KLF12: variants seen among roughly 807,000 people sequenced by gnomAD.
KLF12 encodes the protein KLF transcription factor 12.
Under a neutral mutation model 37.8 loss-of-function variants are expected in KLF12, and 9 were observed. The observed-to-expected ratio is 0.24, with a 90% confidence interval of 0.14 to 0.42. The LOEUF is 0.42. KLF12 is among the 10% of genes least tolerant of loss of function. KLF12 has a pLI of 1.00. For missense variants in KLF12, 411 were observed against 516.0 expected (o/e 0.80, Z 1.97); for synonymous variants, 208 against 202.1 (o/e 1.03, Z -0.25).
At chr13:74,241,417 C>A in the KLF12 span, among the ~76,000 whole-genome samples, 1 of 152,204 alleles carries the variant, frequency 6.6e-6, no homozygotes, top group Non-Finnish European at 1.5e-5. Flanking sequence ...GCCCTGCCCC[C>A]AGAGGTGGAG....
chr13:74,254,141 G>T, the KLF12 span, among the ~76,000 whole-genome samples: 5 of 152,152 alleles, frequency 3.3e-5, no homozygotes, highest in African/African-American at 1.2e-4. Context: ...ATGCAGGATT[G>T]TGTGTTTTTA....
At chr13:73,825,131 A>G (rs1317263031) in intron 4 of KLF12, among the ~76,000 whole-genome samples, 1 of 151,776 alleles carries the variant, frequency 6.6e-6, no homozygotes, top group African/African-American at 2.4e-5. Context: ...AGAGATTTCC[A>G]TATTTTGTAA....
intron 1 of KLF12, among the ~76,000 whole-genome samples, chr13:74,049,950 T>C (rs981334165): frequency 5.4e-5 from 8 of 148,148 alleles, no homozygotes; most frequent in African/African-American, 2.0e-4. Flanking sequence ...TTGGATACCA[T>C]GAGATTTCTG....
intron 1 of KLF12, among the ~76,000 whole-genome samples, chr13:74,126,128 T>C (rs530871610): frequency 6.6e-6 from 1 of 152,322 alleles, no homozygotes; most frequent in South Asian, 2.1e-4. Flanking sequence ...ATATAACATA[T>C]ACTATACATG....
chr13:73,711,955 T>C (rs1335560356), intron 7 of KLF12, among the ~76,000 whole-genome samples: 1 of 152,118 alleles, frequency 6.6e-6, no homozygotes, highest in Non-Finnish European at 1.5e-5. Context: ...GTGGAAGTAG[T>C]TCATTCAATC....
At chr13:74,181,317 C>T in the KLF12 span, among the ~76,000 whole-genome samples, 2 of 135,042 alleles carry the variant, frequency 1.5e-5, no homozygotes, top group East Asian at 2.4e-4. Context: ...CTTAAAAATA[C>T]ATTTAGCATA....
chr13:73,733,712 G>A (rs1877240943), intron 6 of KLF12, among the ~76,000 whole-genome samples: 1 of 152,112 alleles, frequency 6.6e-6, no homozygotes, highest in Admixed American at 6.6e-5. Context: ...GCAATTGTAT[G>A]TTTAACTTTT....
intron 2 of KLF12, among the ~76,000 whole-genome samples, chr13:73,975,269 T>C (rs2138137815): frequency 6.6e-6 from 1 of 152,364 alleles, no homozygotes; most frequent in East Asian, 1.9e-4. Flanking sequence ...TAATTACAAA[T>C]AAAATCCAGT....
In KLF12 at chr13:73,711,466, T is replaced by C. The variant is rs562112153; in HGVS notation, c.1027+3902A>G. On this transcript the variant is annotated intron_variant, in intron 7 of 7. Coordinates refer to ENST00000377669, the MANE Select transcript of KLF12 (RefSeq NM_007249.5). ...AACCTTCAGCTGAAGCCAAGGCTCATATACTATTCTGAAAATCCTAGGGCC... is the reference window on the plus strand; with the variant it reads ...AACCTTCAGCTGAAGCCAAGGCTCACATACTATTCTGAAAATCCTAGGGCC... Among the ~76,000 whole-genome samples the C allele has an allele frequency of 8.5e-5, 13 of 152,346 alleles. No individual in the cohort carries two copies. The South Asian group carries it at 2.1e-3, about 24-fold the overall frequency.
chr13:73,830,903 AG>A (rs1274560356), intron 4 of KLF12, among the ~76,000 whole-genome samples: 1 of 151,914 alleles, frequency 6.6e-6, no homozygotes, highest in East Asian at 1.9e-4. Context: ...GTTGTTTTTC[AG>A]GCTGCAGGAT....
chr13:74,102,272 G>GA (rs1876397862), intron 1 of KLF12, among the ~76,000 whole-genome samples: 1 of 151,892 alleles, frequency 6.6e-6, no homozygotes, highest in Non-Finnish European at 1.5e-5. Flanking sequence ...TTTGATGAGG[G>GA]AAAGATGGAT....
the KLF12 span, among the ~76,000 whole-genome samples, chr13:74,301,080 C>T: frequency 6.6e-6 from 1 of 152,178 alleles, no homozygotes; most frequent in South Asian, 2.1e-4. Flanking sequence ...AAGCCATGTT[C>T]TAAAAATCAG....
intron 6 of KLF12, among the ~76,000 whole-genome samples, chr13:73,752,723 CAT>C (rs201172368): frequency 5.1e-5 from 2 of 38,848 alleles, no homozygotes; most frequent in Admixed American, 3.5e-4. Context: ...CTCCCTTCCA[CAT>C]ATATATTTTT....
intron 7 of KLF12, among the ~76,000 whole-genome samples, chr13:73,699,835 G>A (rs1316943229): frequency 6.6e-6 from 1 of 152,174 alleles, no homozygotes; most frequent in Non-Finnish European, 1.5e-5. Context: ...GCCCATAAAT[G>A]TAGAGTGGGG....
chr13:73,907,341 T>C (rs915582517), intron 3 of KLF12, among the ~76,000 whole-genome samples: 4 of 152,160 alleles, frequency 2.6e-5, no homozygotes, highest in Non-Finnish European at 5.9e-5. Flanking sequence ...GTTCCTCATG[T>C]TCAATACATA....
chr13:74,102,526 T>C (rs999132788), intron 1 of KLF12, among the ~76,000 whole-genome samples: 5 of 151,820 alleles, frequency 3.3e-5, no homozygotes, highest in Non-Finnish European at 5.9e-5. Flanking sequence ...GGAGAAACCC[T>C]GTCTCTACTA....
At chr13:73,907,761 T>A (rs1286014008) in intron 3 of KLF12, among the ~76,000 whole-genome samples, 6 of 152,090 alleles carry the variant, frequency 3.9e-5, no homozygotes, top group Non-Finnish European at 8.8e-5. Context: ...ACTTCTGTTA[T>A]CCCCTCTGAA....
intron 6 of KLF12, among the ~76,000 whole-genome samples, chr13:73,732,138 C>CAGTG (rs1877109442): frequency 6.8e-6 from 1 of 146,894 alleles, no homozygotes; most frequent in Non-Finnish European, 1.5e-5. Flanking sequence ...GGTTGGAGTG[C>CAGTG]AGTGGCGTGA....
At chr13:74,233,976 A>G in the KLF12 span, among the ~76,000 whole-genome samples, 1 of 152,198 alleles carries the variant, frequency 6.6e-6, no homozygotes, top group African/African-American at 2.4e-5. Flanking sequence ...CAAAATATCT[A>G]CAAGTTCTAT....
Sources: gnomAD v4.1 joint callset for allele counts (sites outside exome capture counted in the v4.1 genomes callset) on GRCh38, gnomAD v4.1.1 for gene constraint, MANE v1.5 for transcripts, NCBI Gene and HGNC (gene_info 2026-07-23, HGNC 2026-07-21) for gene names.